The following GLRB variants were observed in gnomAD, a reference collection of about 807,000 sequenced individuals.
The protein encoded by GLRB is glycine receptor beta.
Under a neutral mutation model 54.2 loss-of-function variants are expected in GLRB, and 33 were observed. That is an observed-to-expected ratio of 0.61 (90% CI 0.46 to 0.81). The LOEUF is 0.81. Among genes scored for constraint, GLRB ranks in the 40% least tolerant of loss-of-function variants. The pLI, the probability that GLRB is intolerant of heterozygous loss-of-function variation, is 0.00. For synonymous variants in GLRB, 209 were observed against 208.2 expected (o/e 1.00, Z -0.03); for missense variants, 572 against 584.6 (o/e 0.98, Z 0.22).
intron 8 of GLRB, among the ~76,000 whole-genome samples, chr4:157,146,859 G>A (rs866173524): frequency 2.0e-5 from 3 of 151,972 alleles, no homozygotes; most frequent in Non-Finnish European, 1.5e-5. Flanking sequence ...GATGATGGGT[G>A]GTAGTGAAGG....
In GLRB at chr4:157,167,301, C is replaced by A. The variant is rs528328253; in HGVS notation, c.1198-3131C>A. 3.9e-5 allele frequency among the ~76,000 whole-genome samples: 6 copies of A among 152,320 alleles called. No homozygotes were observed. In the East Asian group the frequency reaches 5.8e-4, roughly 15 times the overall value. On this transcript the variant is annotated intron_variant, in intron 9 of 9. Transcript: ENST00000264428. ...TTTGATATGTACAGTCTGTTCTCCA[C>A]TTCTATTCCAATCAAGATAGTGAGT... is the stretch of plus-strand genomic sequence containing the variant.
intron 2 of GLRB, among the ~76,000 whole-genome samples, chr4:157,108,642 A>G (rs115254422): frequency 0.017 from 2,634 of 152,186 alleles, 27 homozygotes; most frequent in Non-Finnish European, 0.028. Flanking sequence ...AATGGACTCT[A>G]CTCAGATCTT....
At chr4:157,160,599 C>T (rs1737442741) in intron 9 of GLRB, among the ~76,000 whole-genome samples, 1 of 151,936 alleles carries the variant, frequency 6.6e-6, no homozygotes, top group African/African-American at 2.4e-5. Flanking sequence ...ATCCAGTAGT[C>T]ACTCAGGAGC....
rs1737931732 is a variant in GLRB at position 157,171,755 on chromosome 4, A to G, written c.*1027A>G. On this transcript the variant is annotated 3_prime_UTR_variant, in exon 10 of 10. Transcript: ENST00000264428. Reference sequence around the variant, plus strand: ...AATATTTTGGGATTAGTTACAAAATATTTAGAGATTAAATAAATAATAGCT... The same window carrying G: ...AATATTTTGGGATTAGTTACAAAATGTTTAGAGATTAAATAAATAATAGCT... 6.6e-6 allele frequency: 1 copy of G among 151,974 alleles called. No homozygotes were observed. The highest frequency in any genetic ancestry group is 2.1e-4 in the South Asian group (1 of 4,834). The allele number at this position is 151,974 out of a possible 1,614,324, so 9.4% of individuals were successfully genotyped here. A position where few individuals can be genotyped will look rare whatever the true frequency, so the allele number is the denominator to read the frequency against.
At chr4:157,111,739 C>A in intron 2 of GLRB, among the ~76,000 whole-genome samples, 1 of 151,938 alleles carries the variant, frequency 6.6e-6, no homozygotes, top group East Asian at 1.9e-4. Context: ...GGGAAACAGA[C>A]TTTTCAATAG....
At chr4:157,163,212 C>T (rs7688551) in intron 9 of GLRB, among the ~76,000 whole-genome samples, 2 of 152,010 alleles carry the variant, frequency 1.3e-5, no homozygotes, top group Non-Finnish European at 1.5e-5. Flanking sequence ...GGGAGTGTCC[C>T]GATTTTCCAG....
chr4:157,118,506 T>C (rs1245182974), intron 2 of GLRB, among the ~76,000 whole-genome samples: 4 of 151,628 alleles, frequency 2.6e-5, no homozygotes, highest in African/African-American at 9.7e-5. Flanking sequence ...GAAGCTGTGA[T>C]ATTGGAGCCA....
chr4:157,090,574 G>C (rs919658707), intron 2 of GLRB, among the ~76,000 whole-genome samples: 4 of 152,156 alleles, frequency 2.6e-5, no homozygotes, highest in African/African-American at 9.7e-5. Flanking sequence ...AATTTAACCA[G>C]TGCTAGTTTC....
At chr4:157,081,484 A>T (rs1271767607) in intron 2 of GLRB, among the ~76,000 whole-genome samples, 1 of 152,222 alleles carries the variant, frequency 6.6e-6, no homozygotes, top group Non-Finnish European at 1.5e-5. Context: ...TAATACAATG[A>T]ATAATCACTG....
At chr4:157,141,256 A>T (rs1343525383) in intron 7 of GLRB, among the ~76,000 whole-genome samples, 1 of 151,952 alleles carries the variant, frequency 6.6e-6, no homozygotes, top group Non-Finnish European at 1.5e-5. Context: ...ATTTTTTGGC[A>T]CTTAGTATGT....
chr4:157,145,891 G>A (rs1000087983), intron 8 of GLRB, among the ~76,000 whole-genome samples: 3 of 152,058 alleles, frequency 2.0e-5, no homozygotes, highest in Admixed American at 6.6e-5. Flanking sequence ...CTTGGACATT[G>A]GGGGAACAAG....
chr4:157,122,601 G>A (rs567246817), intron 4 of GLRB, among the ~76,000 whole-genome samples: 6 of 151,526 alleles, frequency 4.0e-5, no homozygotes, highest in Non-Finnish European at 8.9e-5. Context: ...TTAATATTGC[G>A]TTAAAACTTA....
chr4:157,139,235 C>T (rs11936522), intron 7 of GLRB, among the ~76,000 whole-genome samples: 4,663 of 152,106 alleles, frequency 0.031, 118 homozygotes, highest in African/African-American at 0.068. Flanking sequence ...TAGTGGTTTT[C>T]AGATGTTGTC....
intron 2 of GLRB, among the ~76,000 whole-genome samples, chr4:157,116,208 G>T (rs1735603974): frequency 6.6e-6 from 1 of 151,746 alleles, no homozygotes; most frequent in Admixed American, 6.6e-5. Context: ...TAATGACATT[G>T]GTTCAAGTTT....
At chr4:157,163,296 G>A (rs979450616) in intron 9 of GLRB, among the ~76,000 whole-genome samples, 3 of 152,032 alleles carry the variant, frequency 2.0e-5, no homozygotes, top group Admixed American at 6.6e-5. Context: ...GTGAGGCAGT[G>A]CCCCACCCTG....
In GLRB at chr4:157,170,622, A is replaced by G. The variant is rs1358777562; in HGVS notation, c.1388A>G (p.Lys463Arg). 6.2e-7 allele frequency: 1 copy of G among 1,612,834 alleles called. No homozygotes were observed. Among genetic ancestry groups the G allele is most frequent in the South Asian group, 1.1e-5 (1 of 90,994 alleles). Reference protein sequence around the residue: ...AKNNKKPPPAKPVIPTAAKRI... With the variant: ...AKNNKKPPPARPVIPTAAKRI... ...AACAACAAGAAGCCTCCCCCTGCGA[A>G]ACCTGTTATTCCAACAGCAGCAAAG... The change falls in exon 10 of 10, where the codon AAA becomes AGA. Residue 463 changes from lysine to arginine, a missense_variant. Lys to Arg is a conservative substitution (Grantham distance 26). Coordinates refer to ENST00000264428, the MANE Select transcript of GLRB (RefSeq NM_000824.5).
At chr4:157,131,427 A>T (rs983466425) in intron 4 of GLRB, among the ~76,000 whole-genome samples, 1 of 151,782 alleles carries the variant, frequency 6.6e-6, no homozygotes, top group African/African-American at 2.4e-5. Flanking sequence ...ACATAATTAG[A>T]CGTTATCCTC....
intron 4 of GLRB, among the ~76,000 whole-genome samples, chr4:157,128,087 T>G (rs1424042605): frequency 6.6e-6 from 1 of 151,970 alleles, no homozygotes; most frequent in Non-Finnish European, 1.5e-5. Flanking sequence ...TTTTTCCATA[T>G]ATGAAAATGC....
At chr4:157,130,044 C>T (rs926325110) in intron 4 of GLRB, among the ~76,000 whole-genome samples, 1 of 151,568 alleles carries the variant, frequency 6.6e-6, no homozygotes, top group African/African-American at 2.4e-5. Flanking sequence ...TTTTTTAGCA[C>T]CTAATATCTC....
Sources: allele counts gnomAD v4.1 joint callset (sites outside exome capture counted in the v4.1 genomes callset), GRCh38; gene constraint gnomAD v4.1.1; transcripts MANE v1.5; gene names NCBI Gene and HGNC (gene_info 2026-07-23, HGNC 2026-07-21).